ABLIM1: variants seen among roughly 807,000 people sequenced by gnomAD.
The protein encoded by ABLIM1 is actin binding LIM protein 1, also known as actin-binding LIM protein 1.
Under a neutral mutation model 107.0 loss-of-function variants are expected in ABLIM1, and 40 were observed. The ratio of observed to expected loss-of-function variants is 0.37; its 90% confidence interval spans 0.29 to 0.49. The LOEUF (loss-of-function observed/expected upper bound fraction) is 0.49. Among genes scored for constraint, ABLIM1 ranks in the 20% least tolerant of loss-of-function variants. The pLI is 0.97. For synonymous variants in ABLIM1, 357 were observed against 357.3 expected, an observed-to-expected ratio of 1.00 and a Z score of 0.01; for missense variants, 857 against 1,008.5, an observed-to-expected ratio of 0.85 and a Z score of 2.04.
chr10:114,472,137 C>A (rs1291134209), intron 10 of ABLIM1, among the ~76,000 whole-genome samples: 1 of 152,204 alleles, frequency 6.6e-6, no homozygotes, highest in Non-Finnish European at 1.5e-5. Flanking sequence ...TCCCCCAAGT[C>A]TGGCCTCTGA....
chr10:114,495,969 G>C (rs2059611980), intron 6 of ABLIM1, among the ~76,000 whole-genome samples: 1 of 152,152 alleles, frequency 6.6e-6, no homozygotes, highest in African/African-American at 2.4e-5. Context: ...ATGACCAAAA[G>C]ACATTTTGAA....
intron 12 of ABLIM1, among the ~76,000 whole-genome samples, chr10:114,462,395 G>A (rs113176182): frequency 6.6e-6 from 1 of 152,262 alleles, no homozygotes; most frequent in Non-Finnish European, 1.5e-5. Flanking sequence ...AGTCCCAACT[G>A]AGGACGGCTG....
At chr10:114,685,048 G>A (rs990407455), upstream of ABLIM1, 1 of 152,242 alleles carries the variant, frequency 6.6e-6, no homozygotes, top group Non-Finnish European at 1.5e-5. Context: ...AGGTATACAA[G>A]CTGTCTGAAA....
chr10:114,558,061 A>G (rs1157232289), intron 4 of ABLIM1, among the ~76,000 whole-genome samples: 2 of 152,156 alleles, frequency 1.3e-5, no homozygotes, highest in African/African-American at 4.8e-5. Context: ...GAAGCACCCT[A>G]TTAAAGCCTT....
chr10:114,799,718 C>T, the ABLIM1 span, among the ~76,000 whole-genome samples: 1 of 152,230 alleles, frequency 6.6e-6, no homozygotes, highest in African/African-American at 2.4e-5. Flanking sequence ...CCTATCTGGA[C>T]TCCCTGCTTC....
At chr10:114,728,487 T>C (rs543061080) in intron 1 of ABLIM1, among the ~76,000 whole-genome samples, 1 of 87,504 alleles carries the variant, frequency 1.1e-5, no homozygotes, top group African/African-American at 4.4e-5. Flanking sequence ...GGGTAAATAA[T>C]GACATAGTCA....
chr10:114,684,459 A>C lies in ABLIM1; in HGVS notation c.-106T>G, dbSNP rs1313835274. On this transcript the variant is annotated 5_prime_UTR_variant, in exon 1 of 24. Transcript: ENST00000369256. Reference sequence around the variant, plus strand: ...CTGGGGCCCTGGCTCTCCTCCCAGGAGTCTGTGGGCTGAACTGGACCCGAG... The same window carrying C: ...CTGGGGCCCTGGCTCTCCTCCCAGGCGTCTGTGGGCTGAACTGGACCCGAG... The C allele has an allele frequency of 2.6e-6, 4 of 1,536,412 alleles. No homozygotes were observed. In the Admixed American group the frequency reaches 7.7e-5, roughly 30 times the overall value.
chr10:114,630,073 G>A (rs2078071472), intron 1 of ABLIM1, among the ~76,000 whole-genome samples: 1 of 152,146 alleles, frequency 6.6e-6, no homozygotes, highest in East Asian at 1.9e-4. Context: ...AGAGCAATGT[G>A]AACCCAGGCA....
chr10:114,721,971 T>C (rs1430133986), intron 1 of ABLIM1, among the ~76,000 whole-genome samples: 1 of 152,126 alleles, frequency 6.6e-6, no homozygotes, highest in Non-Finnish European at 1.5e-5. Context: ...CCTTAAAATG[T>C]GTGCATGTAT....
rs748530265 is a variant in ABLIM1, at chr10:114,451,663, T to C, written c.1555A>G (p.Ile519Val). The change falls in exon 14 of 23, where the codon ATC becomes GTC. Residue 519 changes from isoleucine (I) to valine (V), a missense_variant. Around this residue, in one of 5 missense-constraint regions of ABLIM1, gnomAD observed 381 missense variants for 506.9 expected, o/e 0.75. Coordinates refer to ENST00000533213, the MANE Select transcript of ABLIM1 (RefSeq NM_002313.7). ...ATGGGTGGCTTTCGGTAAATGTTGATTCCTTGATCTGTGGAAATGAAAAGC... is the reference window on the plus strand; with the variant it reads ...ATGGGTGGCTTTCGGTAAATGTTGACTCCTTGATCTGTGGAAATGAAAAGC... The part of the protein sequence containing the change: ...PKHFHVPDQG[I>V]NIYRKPPIYK... 4 of 1,611,916 alleles carry C rather than the reference T, an allele frequency of 2.5e-6. No individual in the cohort carries two copies. Among genetic ancestry groups the C allele is most frequent in the Non-Finnish European group, 3.4e-6 (4 of 1,178,934 alleles).
chr10:114,701,362 T>C (rs1459041709), intron 1 of ABLIM1, among the ~76,000 whole-genome samples: 1 of 152,158 alleles, frequency 6.6e-6, no homozygotes, highest in Non-Finnish European at 1.5e-5. Flanking sequence ...TTGACAATTT[T>C]TCTTATTATA....
At chr10:114,445,777 C>T (rs2060924539) in intron 15 of ABLIM1, among the ~76,000 whole-genome samples, 1 of 152,082 alleles carries the variant, frequency 6.6e-6, no homozygotes, top group African/African-American at 2.4e-5. Context: ...TTTCCTTTTT[C>T]CTTTCTTTTT....
chr10:114,507,880 C>T (rs1008260745), intron 6 of ABLIM1, among the ~76,000 whole-genome samples: 4 of 152,182 alleles, frequency 2.6e-5, no homozygotes, highest in East Asian at 3.8e-4. Flanking sequence ...AGGCAGCAGA[C>T]CCCCCTGAGT....
the ABLIM1 span, among the ~76,000 whole-genome samples, chr10:114,790,857 T>C: frequency 2.6e-5 from 4 of 152,318 alleles, no homozygotes; most frequent in South Asian, 2.1e-4. Flanking sequence ...CATGGTTGCC[T>C]TGGAAGACTC....
intron 10 of ABLIM1, among the ~76,000 whole-genome samples, chr10:114,469,472 G>A (rs989274894): frequency 1.3e-5 from 2 of 152,152 alleles, no homozygotes; most frequent in Admixed American, 6.5e-5. Flanking sequence ...TGCTGCCAGT[G>A]CTTTTCACCC....
chr10:114,786,434 A>T, the ABLIM1 span, among the ~76,000 whole-genome samples: 7 of 152,320 alleles, frequency 4.6e-5, no homozygotes, highest in Admixed American at 3.3e-4. Flanking sequence ...TGTATAAAAG[A>T]TGAGGACTGA....
chr10:114,761,507 C>T (rs2082746181), intron 1 of ABLIM1, among the ~76,000 whole-genome samples: 1 of 152,170 alleles, frequency 6.6e-6, no homozygotes, highest in Admixed American at 6.5e-5. Flanking sequence ...GCAACCATCT[C>T]TCTCATTTCT....
At chr10:114,628,835 T>G (rs2077987057) in intron 1 of ABLIM1, among the ~76,000 whole-genome samples, 1 of 152,226 alleles carries the variant, frequency 6.6e-6, no homozygotes, top group Non-Finnish European at 1.5e-5. Flanking sequence ...TTTGTATTCT[T>G]AAAACTTGCA....
chr10:114,607,542 A>T (rs1031714925), intron 1 of ABLIM1, among the ~76,000 whole-genome samples: 2 of 152,258 alleles, frequency 1.3e-5, no homozygotes, highest in African/African-American at 4.8e-5. Context: ...TGCCCCAGCC[A>T]CATGAGCAAG....
Sources: gnomAD v4.1 joint callset for allele counts (sites outside exome capture counted in the v4.1 genomes callset) on GRCh38, gnomAD v4.1.1 for gene constraint, gnomAD v4.1.1 regional missense constraint, MANE v1.5 for transcripts, NCBI Gene and HGNC (gene_info 2026-07-23, HGNC 2026-07-21) for gene names.